The following PSD3 variants were observed in gnomAD, a reference collection of about 807,000 sequenced individuals.
The protein encoded by PSD3 is pleckstrin and Sec7 domain containing 3.
In PSD3, 49 loss-of-function variants were observed where a neutral mutation model predicts 105.5. The observed-to-expected ratio is 0.46, with a 90% CI of 0.37 to 0.59. The LOEUF (loss-of-function observed/expected upper bound fraction) is 0.59, where lower values mean the gene tolerates loss of function less well. PSD3 is among the 20% of genes least tolerant of loss of function. The pLI, the probability that PSD3 is intolerant of heterozygous loss-of-function variation, is 0.00. For missense variants in PSD3, 1,561 were observed against 1,263.8 expected (o/e 1.24, Z -3.57); for synonymous variants, 557 against 457.8 (o/e 1.22, Z -2.77).
chr8:19,018,989 G>A (rs1176474510), intron 1 of PSD3, among the ~76,000 whole-genome samples: 2 of 152,162 alleles, frequency 1.3e-5, no homozygotes, highest in Non-Finnish European at 2.9e-5. Flanking sequence ...TAGAGATGGT[G>A]TTTCACCATG....
chr8:18,856,972 C>A (rs796917492), intron 4 of PSD3, among the ~76,000 whole-genome samples: 1 of 152,178 alleles, frequency 6.6e-6, no homozygotes, highest in African/African-American at 2.4e-5. Context: ...CAAAGCACTC[C>A]GACTTAAGAA....
At chr8:18,801,525 C>T (rs368087255) in intron 6 of PSD3, 143 bp from the exon 7 acceptor site, 4 of 563,768 alleles carry the variant, frequency 7.1e-6, no homozygotes, top group East Asian at 6.2e-5. Context: ...CCAAAAAAAT[C>T]ATTTACTAGA....
intron 8 of PSD3, among the ~76,000 whole-genome samples, chr8:18,783,692 G>A (rs1023063386): frequency 1.3e-5 from 2 of 152,140 alleles, no homozygotes; most frequent in African/African-American, 4.8e-5. Flanking sequence ...GGAGTGCAGT[G>A]GCACAATCTC....
At chr8:18,767,574 C>T (rs1349141138) in intron 8 of PSD3, among the ~76,000 whole-genome samples, 2 of 151,886 alleles carry the variant, frequency 1.3e-5, no homozygotes, top group African/African-American at 2.4e-5. Flanking sequence ...GGTGAAACCC[C>T]GTCTCTACTG....
chr8:18,756,847 C>G lies in PSD3; in HGVS notation c.2172+8602G>C, dbSNP rs144869414. 3.1e-4 allele frequency among the ~76,000 whole-genome samples: 46 copies of G among 148,864 alleles called. No homozygotes were observed. In the East Asian group the frequency reaches 8.9e-3, roughly 29 times the overall value. On this transcript the variant is annotated intron_variant, in intron 9 of 15. Coordinates refer to ENST00000327040, the MANE Select transcript of PSD3 (RefSeq NM_015310.4). ...CTCAGGCACAAAGTGAAATGATCAC[C>G]CGGAGGCGCCACCACTAGTCACTAG...
At chr8:18,866,290 G>C (rs1816929694) in intron 4 of PSD3, among the ~76,000 whole-genome samples, 1 of 152,202 alleles carries the variant, frequency 6.6e-6, no homozygotes, top group African/African-American at 2.4e-5. Context: ...CTCCTCGCCA[G>C]TACTCTTCCA....
intron 9 of PSD3, among the ~76,000 whole-genome samples, chr8:18,752,489 TATA>T (rs1805580514): frequency 5.9e-5 from 1 of 16,824 alleles, no homozygotes; most frequent in African/African-American, 1.5e-4. Context: ...TTATTATATA[TATA>T]ATATATATAA....
At chr8:18,917,926 C>A (rs890520) in intron 2 of PSD3, among the ~76,000 whole-genome samples, 1 of 151,976 alleles carries the variant, frequency 6.6e-6, no homozygotes, top group Non-Finnish European at 1.5e-5. Context: ...GGCAGGTGGG[C>A]GTGTGTGTTT....
chr8:18,824,523 GT>G (rs1813019769), intron 4 of PSD3, among the ~76,000 whole-genome samples: 1 of 152,062 alleles, frequency 6.6e-6, no homozygotes, highest in South Asian at 2.1e-4. Context: ...TCAAAATTAG[GT>G]ATTAGTCTTA....
intron 10 of PSD3, among the ~76,000 whole-genome samples, chr8:18,647,780 T>C (rs180972563): frequency 2.0e-5 from 3 of 152,236 alleles, no homozygotes; most frequent in Admixed American, 2.0e-4. Context: ...GACTCGATCA[T>C]AATGGCATTA....
chr8:19,079,710 G>T (rs1255788367), intron 1 of PSD3, among the ~76,000 whole-genome samples: 1 of 152,048 alleles, frequency 6.6e-6, no homozygotes, highest in Non-Finnish European at 1.5e-5. Flanking sequence ...ATTCTGTGGT[G>T]GGAATTTGTA....
Position 18,800,815 on chromosome 8 carries a change from C to T in PSD3, c.2023+455G>A, listed in dbSNP as rs1586045590. Among the ~76,000 whole-genome samples the T allele has an allele frequency of 6.6e-5, 10 of 152,276 alleles. 1 individual carries two copies. The South Asian group carries it at 2.1e-3, about 32-fold the overall frequency. Reference sequence around the variant, plus strand: ...GATTTGTTAATTTTTCCAAAACTAACTCCAACACTCAGGATACATGAGCTT... The same window carrying T: ...GATTTGTTAATTTTTCCAAAACTAATTCCAACACTCAGGATACATGAGCTT... On this transcript the variant is annotated intron_variant, in intron 7 of 15. Coordinates refer to ENST00000327040, the MANE Select transcript of PSD3 (RefSeq NM_015310.4).
At chr8:18,901,775 C>T (rs1819518263) in intron 2 of PSD3, among the ~76,000 whole-genome samples, 1 of 152,176 alleles carries the variant, frequency 6.6e-6, no homozygotes, top group Non-Finnish European at 1.5e-5. Flanking sequence ...TCTCCCTCAT[C>T]TCTAAAGGAT....
chr8:18,975,804 T>C (rs1272617607), intron 1 of PSD3, among the ~76,000 whole-genome samples: 1 of 152,036 alleles, frequency 6.6e-6, no homozygotes, highest in African/African-American at 2.4e-5. Context: ...ATATGGAAAA[T>C]GTCTCAATGC....
intron 4 of PSD3, among the ~76,000 whole-genome samples, chr8:18,839,994 A>C (rs1480316468): frequency 6.6e-6 from 1 of 152,208 alleles, no homozygotes; most frequent in Non-Finnish European, 1.5e-5. Context: ...TGAATTCTAC[A>C]TAATAACTTA....
At chr8:18,832,202 G>A (rs1197872105) in intron 4 of PSD3, among the ~76,000 whole-genome samples, 2 of 152,096 alleles carry the variant, frequency 1.3e-5, no homozygotes, top group African/African-American at 2.4e-5. Flanking sequence ...AAAGCCCAGT[G>A]GATGTATCAC....
chr8:18,630,801 C>A (rs929623132), intron 11 of PSD3, among the ~76,000 whole-genome samples: 1 of 151,914 alleles, frequency 6.6e-6, no homozygotes, highest in African/African-American at 2.4e-5. Flanking sequence ...TGAATATGTA[C>A]AGACTTTTTT....
chr8:18,760,198 C>A (rs1285949969), intron 9 of PSD3, among the ~76,000 whole-genome samples: 1 of 152,056 alleles, frequency 6.6e-6, no homozygotes, highest in South Asian at 2.1e-4. Context: ...AGTACACATA[C>A]ATACTGTACA....
chr8:18,655,413 G>C (rs1186584088), intron 10 of PSD3, among the ~76,000 whole-genome samples: 1 of 151,878 alleles, frequency 6.6e-6, no homozygotes, highest in South Asian at 2.1e-4. Flanking sequence ...AACACACTGA[G>C]TACCAAAAAA....
Sources: allele counts gnomAD v4.1 joint callset (sites outside exome capture counted in the v4.1 genomes callset), GRCh38; gene constraint gnomAD v4.1.1; transcripts MANE v1.5; gene names NCBI Gene and HGNC (gene_info 2026-07-23, HGNC 2026-07-21).